NBEA: variants seen among roughly 807,000 people sequenced by gnomAD.
NBEA encodes lysosomal-trafficking regulator 2.
NBEA carries 44 observed loss-of-function variants against 343.4 expected under a neutral mutation model. The observed-to-expected ratio is 0.13, with a 90% CI of 0.10 to 0.16. The LOEUF is 0.16. Among genes scored for constraint, NBEA ranks in the 10% least tolerant of loss-of-function variants. The pLI is 1.00. For missense variants in NBEA, 2,555 were observed against 3,631.3 expected (o/e 0.70, Z 7.62); for synonymous variants, 1,175 against 1,238.7 (o/e 0.95, Z 1.08).
At chr13:35,416,529 G>A (rs1204042765) in intron 38 of NBEA, among the ~76,000 whole-genome samples, 1 of 152,066 alleles carries the variant, frequency 6.6e-6, no homozygotes, top group Non-Finnish European at 1.5e-5. Flanking sequence ...TTTATATGAT[G>A]GATTACATTT....
At chr13:35,620,923 G>A (rs1189949108) in intron 48 of NBEA, among the ~76,000 whole-genome samples, 1 of 152,164 alleles carries the variant, frequency 6.6e-6, no homozygotes, top group African/African-American at 2.4e-5. Context: ...TACAGCAGCA[G>A]AGATAGATAA....
intron 34 of NBEA, among the ~76,000 whole-genome samples, chr13:35,245,532 A>G (rs946961893): frequency 9.9e-5 from 15 of 152,122 alleles, no homozygotes; most frequent in African/African-American, 3.6e-4. Context: ...TGTATCTTTC[A>G]TTCATTTATG....
intron 22 of NBEA, among the ~76,000 whole-genome samples, chr13:35,160,806 GTTTC>G (rs1174030761): frequency 6.6e-6 from 1 of 152,114 alleles, no homozygotes; most frequent in Non-Finnish European, 1.5e-5. Context: ...AGTTATGACT[GTTTC>G]TTTATTTTCT....
chr13:34,959,638 A>G (rs1036130303), intron 1 of NBEA, among the ~76,000 whole-genome samples: 2 of 152,108 alleles, frequency 1.3e-5, no homozygotes, highest in Admixed American at 1.3e-4. Context: ...ACTCATTTCC[A>G]TAAGTGTCAT....
intron 1 of NBEA, among the ~76,000 whole-genome samples, chr13:34,989,495 T>C (rs766892021): frequency 2.0e-5 from 3 of 150,750 alleles, no homozygotes; most frequent in Non-Finnish European, 3.0e-5. Flanking sequence ...GTGCTACATA[T>C]TCTTAAACAA....
chr13:35,374,274 T>C (rs2041620115), intron 38 of NBEA, among the ~76,000 whole-genome samples: 1 of 152,252 alleles, frequency 6.6e-6, no homozygotes, highest in Non-Finnish European at 1.5e-5. Context: ...TCTGGAGCAA[T>C]CAGAACACAC....
rs576997682 is a variant in NBEA at position 35,589,730 on chromosome 13, A to G, written c.7177-3598A>G. 1.1e-3 allele frequency among the ~76,000 whole-genome samples: 161 copies of G among 152,214 alleles called. 2 individuals are homozygous for G. The South Asian group carries it at 0.032, about 30-fold the overall frequency. On this transcript the variant is annotated intron_variant, in intron 46 of 58. Transcript: ENST00000379939. ...AATTAGTTGATCTGTAATCATCCAA[A>G]AGCAAGAAAGGCTGTTAGTGTCTTC...
At chr13:35,317,936 T>C (rs1444898618) in intron 36 of NBEA, among the ~76,000 whole-genome samples, 1 of 152,206 alleles carries the variant, frequency 6.6e-6, no homozygotes, top group Non-Finnish European at 1.5e-5. Flanking sequence ...CTTGAGATTT[T>C]TGCACATTGA....
chr13:35,147,570 G>A lies in NBEA; in HGVS notation c.2445+5193G>A, dbSNP rs539220703. Among the ~76,000 whole-genome samples, 4 of 152,238 alleles carry A rather than the reference G, an allele frequency of 2.6e-5. No homozygotes were observed. The South Asian group carries it at 6.2e-4, about 24-fold the overall frequency. On this transcript the variant is annotated intron_variant, in intron 18 of 58. Transcript: ENST00000379939. ...GAGGCGGACTAGTAGGAGTCTGGGT[G>A]CTGGAGACAGTGGAACTAGGAGAAG... is the stretch of plus-strand genomic sequence containing the variant.
chr13:35,226,151 A>AT (rs1273401617), intron 33 of NBEA, among the ~76,000 whole-genome samples: 5 of 152,164 alleles, frequency 3.3e-5, no homozygotes, highest in African/African-American at 7.2e-5. Context: ...AAGTAATGCA[A>AT]TTGTAAGAGA....
At chr13:35,361,511 G>C (rs1283003419) in intron 38 of NBEA, among the ~76,000 whole-genome samples, 1 of 152,048 alleles carries the variant, frequency 6.6e-6, no homozygotes, top group Non-Finnish European at 1.5e-5. Flanking sequence ...AACTTGACCT[G>C]CACTGCGGAC....
chr13:35,654,839 T>G lies in NBEA; in HGVS notation c.8036-16T>G. The G allele has an allele frequency of 6.4e-7, 1 of 1,558,600 alleles. No homozygotes were observed. Among genetic ancestry groups the G allele is most frequent in the Non-Finnish European group, 8.6e-7 (1 of 1,161,408 alleles). Reference sequence around the variant, plus strand: ...ATGGAATCTTTCTTCAAATGCTTTTTTCCATTTACTTTTAGCCAATAATTC... The same window carrying G: ...ATGGAATCTTTCTTCAAATGCTTTTGTCCATTTACTTTTAGCCAATAATTC... On this transcript the variant is annotated splice_polypyrimidine_tract_variant and intron_variant, in intron 53 of 58. Transcript: ENST00000379939.
intron 34 of NBEA, among the ~76,000 whole-genome samples, chr13:35,264,102 A>C (rs760924920): frequency 2.0e-5 from 3 of 151,908 alleles, no homozygotes; most frequent in Non-Finnish European, 2.9e-5. Flanking sequence ...CAGAAATACG[A>C]AGGACAACAA....
At chr13:35,551,286 A>C (rs1387786296) in intron 43 of NBEA, among the ~76,000 whole-genome samples, 2 of 152,202 alleles carry the variant, frequency 1.3e-5, no homozygotes, top group African/African-American at 4.8e-5. Context: ...CATAGCTAGC[A>C]TATAATTAAG....
chr13:35,377,385 G>A (rs2041802106), intron 38 of NBEA, among the ~76,000 whole-genome samples: 1 of 152,182 alleles, frequency 6.6e-6, no homozygotes, highest in Non-Finnish European at 1.5e-5. Context: ...TTGAACTGTT[G>A]AGGCTGGCCA....
At chr13:35,648,832 A>G (rs978373979) in intron 51 of NBEA, among the ~76,000 whole-genome samples, 1 of 117,208 alleles carries the variant, frequency 8.5e-6, no homozygotes, top group African/African-American at 3.3e-5. Flanking sequence ...GACACGTGAC[A>G]GGGAACAACA....
chr13:35,475,323 G>T, intron 41 of NBEA: 1 of 1,614,050 alleles, frequency 6.2e-7, no homozygotes, highest in Non-Finnish European at 8.5e-7. Flanking sequence ...TCTTCATATG[G>T]TAATTGTTCA....
chr13:35,359,902 A>G (rs567362864), intron 38 of NBEA, among the ~76,000 whole-genome samples: 2 of 151,480 alleles, frequency 1.3e-5, no homozygotes, highest in East Asian at 1.9e-4. Flanking sequence ...AATCATTACT[A>G]TTGTTTAGTT....
chr13:35,050,341 G>A lies in NBEA; in HGVS notation c.918G>A (p.Lys306=), dbSNP rs1317588734. The change falls in exon 6 of 59, where the codon AAG becomes AAA. Residue 306 remains lysine (K), a synonymous_variant. Coordinates refer to ENST00000379939, the MANE Select transcript of NBEA (RefSeq NM_001385012.1). ...VGNCLIVTSL[K]SKGKGFQHCV... The stretch of plus-strand genomic sequence containing the variant: ...ACTGTTTAATAGTCACATCATTGAA[G>A]TCCAAAGGAAAAGGTTTTCAGCATT... The A allele has an allele frequency of 6.2e-7, 1 of 1,609,174 alleles. No individual in the cohort carries two copies. Among genetic ancestry groups the A allele is most frequent in the Non-Finnish European group, 8.5e-7 (1 of 1,178,098 alleles).
Sources: gnomAD v4.1 joint callset for allele counts (sites outside exome capture counted in the v4.1 genomes callset) on GRCh38, gnomAD v4.1.1 for gene constraint, MANE v1.5 for transcripts, NCBI Gene and HGNC (gene_info 2026-07-23, HGNC 2026-07-21) for gene names.